RAI2: variants seen among roughly 807,000 people sequenced by gnomAD.
The protein encoded by RAI2 is retinoic acid-induced protein 2.
In RAI2, 5 loss-of-function variants were observed where a neutral mutation model predicts 15.3. The ratio of observed to expected loss-of-function variants is 0.33; its 90% CI spans 0.17 to 0.69. The LOEUF (loss-of-function observed/expected upper bound fraction) is 0.69, where lower values mean the gene tolerates loss of function less well. Ranked by LOEUF, RAI2 falls within the 30% of genes least tolerant of loss-of-function variation. RAI2 has a pLI of 0.69. For synonymous variants in RAI2, 191 were observed against 184.0 expected (o/e 1.04, Z -0.31); for missense variants, 424 against 424.7 (o/e 1.00, Z 0.01).
chrX:17,859,179 G>A (rs1256547110), intron 1 of RAI2, among the ~76,000 whole-genome samples: 1 of 111,020 alleles, frequency 9.0e-6, no homozygotes, highest in Non-Finnish European at 1.9e-5. Flanking sequence ...GTCCCCTTCC[G>A]TATTGTCCCC....
chrX:17,858,936 G>T (rs1291247468), intron 1 of RAI2, among the ~76,000 whole-genome samples: 1 of 111,461 alleles, frequency 9.0e-6, no homozygotes, highest in African/African-American at 3.3e-5. Flanking sequence ...AGTCTGACTT[G>T]GTTCATAGTG....
intron 1 of RAI2, among the ~76,000 whole-genome samples, chrX:17,835,517 T>G (rs964749638): frequency 1.8e-5 from 2 of 111,857 alleles, no homozygotes; most frequent in Non-Finnish European, 3.8e-5. Flanking sequence ...AGCTGTGCCC[T>G]CCACACAGAT....
intron 1 of RAI2, among the ~76,000 whole-genome samples, chrX:17,842,417 C>T (rs745960973): frequency 2.3e-4 from 26 of 111,416 alleles, no homozygotes; most frequent in African/African-American, 9.8e-5. Context: ...TATTAAGGAA[C>T]TGCTAGGTTC....
intron 1 of RAI2, among the ~76,000 whole-genome samples, chrX:17,851,736 TC>T (rs1466016771): frequency 4.5e-5 from 5 of 111,450 alleles, no homozygotes; most frequent in African/African-American, 1.6e-4. Context: ...AAAACACTCT[TC>T]CGGAGTCTCG....
rs192139578 is a variant in RAI2 at position 17,828,440 on chromosome X, T to C, written c.-24-26406A>G. Among the ~76,000 whole-genome samples the C allele has an allele frequency of 2.7e-5, 3 of 112,152 alleles. No individual in the cohort carries two copies. In the East Asian group the frequency reaches 8.4e-4, roughly 31 times the overall value. On this transcript the variant is annotated intron_variant, in intron 1 of 1. Transcript: ENST00000451717. ...GCTAATACCCGCTTCCTTTGGCAGCTTCTTAATGCTCTTGGCTTGGCATTT... is the reference window on the plus strand; with the variant it reads ...GCTAATACCCGCTTCCTTTGGCAGCCTCTTAATGCTCTTGGCTTGGCATTT...
In RAI2 at chrX:17,801,481, G is replaced by A. The variant is rs2066910440; in HGVS notation, c.530C>T (p.Pro177Leu). The A allele has an allele frequency of 5.1e-6, 6 of 1,176,944 alleles. No individual in the cohort carries two copies. The highest frequency in any genetic ancestry group is 3.0e-5 in the East Asian group (1 of 33,564). The change falls in exon 2 of 2, where the codon CCG (proline) becomes CTG (leucine). Residue 177 changes from proline to leucine, a missense_variant. Physicochemically the swap from Pro to Leu is moderately conservative, Grantham distance 98. Transcript: ENST00000451717. ...TTCAAATGGCAAAGTGGGCTCCTGC[G>A]GCTGGCTGGGGATCCTCAGGTCCAG... ...QLLDLRIPSQ[P>L]QEPTLPFEAV...
intron 1 of RAI2, among the ~76,000 whole-genome samples, chrX:17,838,788 C>T (rs991887543): frequency 3.6e-5 from 4 of 111,380 alleles, no homozygotes; most frequent in African/African-American, 1.3e-4. Context: ...TGCAACACAC[C>T]TCACACAGTC....
chrX:17,853,230 A>T (rs1475611852), intron 1 of RAI2, among the ~76,000 whole-genome samples: 2 of 112,139 alleles, frequency 1.8e-5, no homozygotes, highest in African/African-American at 6.5e-5. Flanking sequence ...GCCTTGAAAA[A>T]GTCTCTATGC....
At chrX:17,803,936 CTTT>C (rs11448927) in intron 1 of RAI2, among the ~76,000 whole-genome samples, 1 of 100,033 alleles carries the variant, frequency 1.0e-5, no homozygotes, top group Non-Finnish European at 2.0e-5. Flanking sequence ...TCCAACATGC[CTTT>C]TTTTTTTTTT....
At chrX:17,859,005 C>A (rs1489645213) in intron 1 of RAI2, among the ~76,000 whole-genome samples, 1 of 111,388 alleles carries the variant, frequency 9.0e-6, no homozygotes, top group Non-Finnish European at 1.9e-5. Flanking sequence ...AGCGAGTGCC[C>A]ATTTGAAGGA....
chrX:17,804,034 A>G (rs112147902), intron 1 of RAI2, among the ~76,000 whole-genome samples: 6,640 of 106,197 alleles, frequency 0.063, 534 homozygotes, highest in African/African-American at 0.21. Flanking sequence ...ATCTTGGCTC[A>G]CTGCAACCTC....
chrX:17,833,572 G>A (rs2067305018), intron 1 of RAI2, among the ~76,000 whole-genome samples: 1 of 111,461 alleles, frequency 9.0e-6, no homozygotes, highest in South Asian at 3.8e-4. Flanking sequence ...GATCTTTGCT[G>A]TTAGAAGTCA....
At chrX:17,814,973 C>T (rs924503424) in intron 1 of RAI2, among the ~76,000 whole-genome samples, 2 of 109,755 alleles carry the variant, frequency 1.8e-5, no homozygotes, top group African/African-American at 6.6e-5. Flanking sequence ...AACCTCGACC[C>T]GAGAAGTACA....
At chrX:17,810,168 G>A (rs1226200254) in intron 1 of RAI2, among the ~76,000 whole-genome samples, 1 of 111,128 alleles carries the variant, frequency 9.0e-6, no homozygotes, top group Non-Finnish European at 1.9e-5. Flanking sequence ...TCCCAGACCC[G>A]TTCTCCTTCC....
intron 1 of RAI2, among the ~76,000 whole-genome samples, chrX:17,826,029 T>G (rs750240526): frequency 8.9e-6 from 1 of 112,417 alleles, no homozygotes; most frequent in South Asian, 3.7e-4. Flanking sequence ...TCAAATAGTT[T>G]TATTTGTCTG....
At chrX:17,824,884 C>T (rs2067209034) in intron 1 of RAI2, among the ~76,000 whole-genome samples, 1 of 112,270 alleles carries the variant, frequency 8.9e-6, no homozygotes, top group Admixed American at 9.4e-5. Flanking sequence ...CTGCATCTAC[C>T]GTGCAGGTGA....
At chrX:17,835,377 A>G (rs1419138448) in intron 1 of RAI2, among the ~76,000 whole-genome samples, 1 of 112,428 alleles carries the variant, frequency 8.9e-6, no homozygotes, top group Admixed American at 9.4e-5. Context: ...GCCCCAGGCA[A>G]TGAAGGGCAC....
chrX:17,847,659 C>T (rs2067479407), intron 1 of RAI2, among the ~76,000 whole-genome samples: 1 of 113,052 alleles, frequency 8.8e-6, no homozygotes, highest in South Asian at 3.6e-4. Context: ...CCCCCAGCCA[C>T]AGAAGTGGTC....
chrX:17,860,228 G>T (rs762543472), intron 1 of RAI2, among the ~76,000 whole-genome samples: 1 of 112,235 alleles, frequency 8.9e-6, no homozygotes, highest in Non-Finnish European at 1.9e-5. Flanking sequence ...AACTGTGGTG[G>T]GATGCCATTT....
Sources: gnomAD v4.1 joint callset for allele counts (sites outside exome capture counted in the v4.1 genomes callset) on GRCh38, gnomAD v4.1.1 for gene constraint, MANE v1.5 for transcripts, NCBI Gene and HGNC (gene_info 2026-07-23, HGNC 2026-07-21) for gene names.